GPATCH11: variants seen among roughly 807,000 people sequenced by gnomAD.
GPATCH11 encodes G patch domain-containing protein 11.
A neutral mutation model predicts 44.8 loss-of-function variants in GPATCH11; 32 were observed. The ratio of observed to expected loss-of-function variants is 0.71; its 90% CI spans 0.54 to 0.96. GPATCH11 has a LOEUF of 0.96. Ranked by LOEUF, GPATCH11 falls within the 40% of genes least tolerant of loss-of-function variation. The probability of loss-of-function intolerance (pLI) is 0.00; values close to 1 mark genes in which losing one functional copy is unlikely to be tolerated. For missense variants in GPATCH11, 324 were observed against 303.1 expected, an observed-to-expected ratio of 1.07 and a Z score of -0.51; for synonymous variants, 84 against 94.4, an observed-to-expected ratio of 0.89 and a Z score of 0.64.
At position 37,098,340 on chromosome 2, in the gene GPATCH11, A is replaced by C. The variant is rs1341262473; in HGVS notation, c.*2077A>C. 3.9e-5 allele frequency: 5 copies of C among 126,744 alleles called. No individual in the cohort carries two copies. The highest frequency in any genetic ancestry group is 1.4e-4 in the African/African-American group (5 of 36,064). The allele number at this position is 126,744 out of a possible 1,614,324, so 7.9% of individuals were successfully genotyped here. On this transcript the variant is annotated 3_prime_UTR_variant, in exon 9 of 9. Transcript: ENST00000674370. ...CCTGTCTCAAAAAAAAAAATTATATATATATATGTATGTATATATATATAT... is the reference window on the plus strand; with the variant it reads ...CCTGTCTCAAAAAAAAAAATTATATCTATATATGTATGTATATATATATAT...
Position 37,094,074 on chromosome 2 carries a change from AT to A in GPATCH11, c.541-4del. ...TATGTTTAATTGAGACTACTTCTGCATTTTCAGAATATTCAGGTTCCCAGGG... is the reference window on the plus strand; with the variant it reads ...TATGTTTAATTGAGACTACTTCTGCATTTCAGAATATTCAGGTTCCCAGGG... On this transcript the variant is annotated splice_region_variant and splice_polypyrimidine_tract_variant and intron_variant, in intron 6 of 8. Transcript: ENST00000674370. 1.3e-6 allele frequency: 2 copies of A among 1,531,792 alleles called. No homozygotes were observed. Among genetic ancestry groups the A allele is most frequent in the Non-Finnish European group, 1.8e-6 (2 of 1,113,224 alleles). The allele number at this position is 1,531,792 out of a possible 1,614,324, so 94.9% of individuals were successfully genotyped here.
intron 2 of GPATCH11, 30 bp downstream of exon 2, chr2:37,088,470 A>T: frequency 9.5e-7 from 1 of 1,050,842 alleles, no homozygotes; most frequent in East Asian, 2.4e-5. Flanking sequence ...CAGTGCAATG[A>T]TATGTATAAG....
rs1458717654 is a variant in GPATCH11 at position 37,092,049 on chromosome 2, T to G, written c.449+13T>G. ...CAGAACAGTTTCGGTAAAACTATTT[T>G]TGAGCTGGTTTTGGTTCTATTTCCT... On this transcript the variant is annotated intron_variant, in intron 5 of 8. Coordinates refer to ENST00000674370, the MANE Select transcript of GPATCH11 (RefSeq NM_174931.4). 6.2e-7 allele frequency: 1 copy of G among 1,612,142 alleles called. No homozygotes were observed. Among genetic ancestry groups the G allele is most frequent in the Admixed American group, 1.7e-5 (1 of 59,846 alleles).
chr2:37,096,243 A>C lies in GPATCH11; in HGVS notation c.772A>C (p.Thr258Pro). Residue 258 changes from threonine (T) to proline (P), a missense_variant, in exon 9 of 9, where the codon ACT becomes CCT. Physicochemically the swap from Thr to Pro is conservative, Grantham distance 38 (BLOSUM62 -1). Coordinates refer to ENST00000674370, the MANE Select transcript of GPATCH11 (RefSeq NM_174931.4). ...EDLSSNCPGP[T>P]SADHD is the part of the protein sequence containing the mutation. ...CCTATCTTCAAATTGTCCAGGACCAACTTCTGCAGATCATGACTAAGATTA... is the reference window on the plus strand; with the variant it reads ...CCTATCTTCAAATTGTCCAGGACCACCTTCTGCAGATCATGACTAAGATTA... The C allele has an allele frequency of 6.3e-7, 1 of 1,588,562 alleles. No individual in the cohort carries two copies.
At position 37,090,141 on chromosome 2, in the gene GPATCH11, G is replaced by A. The variant is rs750611265; in HGVS notation, c.286+275G>A. Among the ~76,000 whole-genome samples, 14 of 152,344 alleles carry A rather than the reference G, an allele frequency of 9.2e-5. No individual in the cohort carries two copies. The East Asian group carries it at 2.1e-3, about 23-fold the overall frequency. Reference sequence around the variant, plus strand: ...TGTGGCTTACAACAGAAGAAGCAAAGAATGGTGATAAGTGATGGGTTGAGA... The same window carrying A: ...TGTGGCTTACAACAGAAGAAGCAAAAAATGGTGATAAGTGATGGGTTGAGA... On this transcript the variant is annotated intron_variant, in intron 3 of 8. Transcript: ENST00000674370.
chr2:37,085,145 T>A (rs548240605), intron 1 of GPATCH11, among the ~76,000 whole-genome samples: 1 of 152,344 alleles, frequency 6.6e-6, no homozygotes, highest in South Asian at 2.1e-4. Context: ...AAGTATATTT[T>A]ACCAATAGAA....
chr2:37,095,572 A>G, intron 8 of GPATCH11, 54 bp downstream of exon 8: 3 of 1,474,462 alleles, frequency 2.0e-6, no homozygotes. Context: ...TCCAATTTTT[A>G]GTTAAAGTCA....
chr2:37,094,557 T>G (rs1161979590), intron 7 of GPATCH11, among the ~76,000 whole-genome samples: 2 of 152,224 alleles, frequency 1.3e-5, no homozygotes, highest in Admixed American at 1.3e-4. Context: ...TAAATTATTT[T>G]AATTTATACC....
At chr2:37,086,736 T>C (rs1458603181) in intron 1 of GPATCH11, among the ~76,000 whole-genome samples, 1 of 152,136 alleles carries the variant, frequency 6.6e-6, no homozygotes, top group African/African-American at 2.4e-5. Flanking sequence ...CAGGTGTAGG[T>C]TGCAGTCAGC....
At chr2:37,091,771 A>G in intron 4 of GPATCH11, 145 bp from the exon 5 acceptor site, 1 of 583,452 alleles carries the variant, frequency 1.7e-6, no homozygotes. Context: ...AAAAAACCCT[A>G]GTGTTTTCTA....
In GPATCH11 at chr2:37,088,398, CAGA is replaced by C. The variant is rs761308115; in HGVS notation, c.24_26del (p.Glu9del). ...TATAGCCATATGAAGTTGAACATGG[CAGA>C]AGAAGAGGACTATATGTCTGATTCC... is the stretch of plus-strand genomic sequence containing the variant. On this transcript the variant is annotated inframe_deletion, in exon 2 of 9. Coordinates refer to ENST00000674370, the MANE Select transcript of GPATCH11 (RefSeq NM_174931.4). 56 of 1,571,620 alleles carry C rather than the reference CAGA, an allele frequency of 3.6e-5. No individual in the cohort carries two copies. Among genetic ancestry groups the C allele is most frequent in the Non-Finnish European group, 4.5e-5 (52 of 1,149,144 alleles).
chr2:37,092,523 C>G (rs7568925), intron 6 of GPATCH11, among the ~76,000 whole-genome samples: 13 of 144,998 alleles, frequency 9.0e-5, no homozygotes, highest in African/African-American at 3.3e-4. Context: ...ACTCCAAGCC[C>G]GGTTTATCTA....
chr2:37,087,863 G>A (rs1438471652), intron 1 of GPATCH11, among the ~76,000 whole-genome samples: 1 of 152,140 alleles, frequency 6.6e-6, no homozygotes, highest in East Asian at 1.9e-4. Context: ...CTGCCTACAG[G>A]GTCAGGTTTA....
At chr2:37,096,180 T>C (rs1435529606) in intron 8 of GPATCH11, 28 bp from the exon 9 acceptor site, 1 of 1,415,572 alleles carries the variant, frequency 7.1e-7, no homozygotes. Context: ...GTTGTATTAA[T>C]CTTTCATTTC....
In GPATCH11 at chr2:37,084,646, C is replaced by G. The variant is rs567082815; in HGVS notation, c.-14+76C>G. The G allele has an allele frequency of 3.6e-6, 4 of 1,122,518 alleles. No individual in the cohort carries two copies. In the East Asian group the frequency reaches 1.3e-4, roughly 36 times the overall value. 69.5% of individuals were successfully genotyped at this position (1,122,518 alleles called of 1,614,324 possible). On this transcript the variant is annotated intron_variant, in intron 1 of 8. Transcript: ENST00000674370. ...AGGCAGAGTGCGCTGGCCATGACTA[C>G]CGTATCACACCGTCAGCCACTTTTC...
intron 4 of GPATCH11, among the ~76,000 whole-genome samples, chr2:37,091,322 C>A (rs1240336276): frequency 6.7e-5 from 10 of 149,052 alleles, no homozygotes; most frequent in African/African-American, 2.5e-4. Context: ...GAAATTCCAT[C>A]TCAAGGAAAA....
intron 2 of GPATCH11, 86 bp downstream of exon 2, chr2:37,088,526 A>G: frequency 1.4e-6 from 1 of 734,592 alleles, no homozygotes; most frequent in Non-Finnish European, 2.2e-6. Flanking sequence ...ATTTTATTTT[A>G]TTTTTTTGAG....
intron 4 of GPATCH11, 34 bp downstream of exon 4, chr2:37,090,756 A>G: frequency 9.1e-7 from 1 of 1,098,828 alleles, no homozygotes; most frequent in Non-Finnish European, 1.3e-6. Context: ...TTTGCCAATA[A>G]TAATAACTTA....
At position 37,097,995 on chromosome 2, in the gene GPATCH11, T is replaced by C. The variant is rs1249073800; in HGVS notation, c.*1732T>C. 1 of 152,176 alleles carries C rather than the reference T, an allele frequency of 6.6e-6. No individual in the cohort carries two copies. Among genetic ancestry groups the C allele is most frequent in the African/African-American group, 2.4e-5 (1 of 41,454 alleles). 9.4% of individuals were successfully genotyped at this position (152,176 alleles called of 1,614,324 possible). On this transcript the variant is annotated 3_prime_UTR_variant, in exon 9 of 9. Coordinates refer to ENST00000674370, the MANE Select transcript of GPATCH11 (RefSeq NM_174931.4). ...ATATAATATTTATATGTTTGGATGC[T>C]ATTGTTTAATATTTACTTTTTTGTT...
Sources: allele counts gnomAD v4.1 joint callset (sites outside exome capture counted in the v4.1 genomes callset), GRCh38; gene constraint gnomAD v4.1.1; transcripts MANE v1.5; gene names NCBI Gene and HGNC (gene_info 2026-07-23, HGNC 2026-07-21).